The following DOK6 variants were observed in gnomAD, a reference collection of about 807,000 sequenced individuals.
DOK6 encodes downstream of tyrosine kinase 6.
A neutral mutation model predicts 44.0 loss-of-function variants in DOK6; 22 were observed. The observed-to-expected ratio is 0.50, with a 90% CI of 0.36 to 0.71. The LOEUF is 0.71. Among genes scored for constraint, DOK6 ranks in the 30% least tolerant of loss-of-function variants. DOK6 has a pLI of 0.00. For synonymous variants in DOK6, 166 were observed against 145.5 expected (o/e 1.14, Z -1.01); for missense variants, 340 against 416.4 (o/e 0.82, Z 1.60).
intron 7 of DOK6, among the ~76,000 whole-genome samples, chr18:69,809,334 C>T (rs1160320467): frequency 6.6e-6 from 1 of 151,432 alleles, no homozygotes. Context: ...ATGACAAACC[C>T]ACAGTTAACA....
At chr18:69,413,860 C>A (rs1022053613) in intron 1 of DOK6, among the ~76,000 whole-genome samples, 4 of 151,744 alleles carry the variant, frequency 2.6e-5, no homozygotes, top group African/African-American at 9.7e-5. Context: ...TGACAAAAAA[C>A]TAGTATAAGA....
intron 2 of DOK6, among the ~76,000 whole-genome samples, chr18:69,566,388 G>T (rs895880099): frequency 6.6e-6 from 1 of 151,816 alleles, no homozygotes; most frequent in Non-Finnish European, 1.5e-5. Context: ...CGCCCGCCTC[G>T]GCCTCCCAAA....
intron 1 of DOK6, among the ~76,000 whole-genome samples, chr18:69,433,357 A>G (rs942231388): frequency 1.3e-5 from 2 of 152,222 alleles, no homozygotes; most frequent in Non-Finnish European, 2.9e-5. Context: ...GAAAGACAAA[A>G]GCATAATAGT....
At chr18:69,601,095 C>T (rs1269074407) in intron 3 of DOK6, among the ~76,000 whole-genome samples, 1 of 152,122 alleles carries the variant, frequency 6.6e-6, no homozygotes, top group Admixed American at 6.5e-5. Flanking sequence ...AAGATTCTGC[C>T]TTTTCAAATT....
At chr18:69,498,923 A>C (rs1980973437) in intron 1 of DOK6, among the ~76,000 whole-genome samples, 1 of 152,184 alleles carries the variant, frequency 6.6e-6, no homozygotes, top group South Asian at 2.1e-4. Flanking sequence ...AAAAGAGAAA[A>C]TATTTAAATT....
At chr18:69,678,948 TG>T (rs1490536571) in intron 4 of DOK6, among the ~76,000 whole-genome samples, 5 of 152,056 alleles carry the variant, frequency 3.3e-5, no homozygotes, top group Admixed American at 2.0e-4. Flanking sequence ...GAGGCAGTGG[TG>T]GGTGGATTGC....
intron 3 of DOK6, among the ~76,000 whole-genome samples, chr18:69,650,707 T>G (rs945142840): frequency 5.3e-5 from 8 of 152,184 alleles, no homozygotes; most frequent in Non-Finnish European, 1.2e-4. Flanking sequence ...GTGCTTACCT[T>G]GAACAGTACT....
intron 1 of DOK6, among the ~76,000 whole-genome samples, chr18:69,553,738 T>C (rs151258927): frequency 6.6e-6 from 1 of 152,302 alleles, no homozygotes; most frequent in African/African-American, 2.4e-5. Context: ...CACTCCAGAC[T>C]CCAATTGAAA....
At chr18:69,472,903 T>A (rs555252302) in intron 1 of DOK6, among the ~76,000 whole-genome samples, 6 of 152,212 alleles carry the variant, frequency 3.9e-5, no homozygotes, top group Non-Finnish European at 8.8e-5. Flanking sequence ...CATATCATGT[T>A]GTTGTATGTT....
At position 69,517,987 on chromosome 18, in the gene DOK6, A is replaced by T. The variant is rs543121428; in HGVS notation, c.67-46500A>T. On this transcript the variant is annotated intron_variant, in intron 1 of 7. Transcript: ENST00000382713. ...AATTACATCTTTCTACATGAGCTGG[A>T]AAGGCATGGCTTTTAACTTCTCTTG... 4.6e-5 allele frequency among the ~76,000 whole-genome samples: 7 copies of T among 152,206 alleles called. No homozygotes were observed. The South Asian group carries it at 1.5e-3, about 32-fold the overall frequency.
chr18:69,654,700 T>A (rs1985317648), intron 3 of DOK6, among the ~76,000 whole-genome samples: 1 of 152,228 alleles, frequency 6.6e-6, no homozygotes, highest in South Asian at 2.1e-4. Flanking sequence ...TTGTTTAGAA[T>A]TGCTGACTGC....
intron 1 of DOK6, among the ~76,000 whole-genome samples, chr18:69,404,944 C>A (rs1916173908): frequency 6.6e-6 from 1 of 152,110 alleles, no homozygotes; most frequent in Non-Finnish European, 1.5e-5. Flanking sequence ...TAATAAAGAA[C>A]CCCTGCATCA....
intron 3 of DOK6, chr18:69,662,931 C>A (rs1292910220): frequency 6.6e-6 from 1 of 152,184 alleles, no homozygotes. Context: ...GCTCCAAAGC[C>A]AATTAAGTAA....
At chr18:69,757,489 C>T (rs1396066224) in intron 6 of DOK6, among the ~76,000 whole-genome samples, 2 of 152,178 alleles carry the variant, frequency 1.3e-5, no homozygotes, top group Non-Finnish European at 2.9e-5. Flanking sequence ...GAGTGTTTGC[C>T]AGCATTCCCC....
intron 1 of DOK6, among the ~76,000 whole-genome samples, chr18:69,542,056 G>A (rs934365181): frequency 6.6e-6 from 1 of 151,554 alleles, no homozygotes; most frequent in Non-Finnish European, 1.5e-5. Flanking sequence ...AGATGGTGTG[G>A]ATGGCCTTGT....
chr18:69,526,154 G>A (rs1981825215), intron 1 of DOK6, among the ~76,000 whole-genome samples: 3 of 151,768 alleles, frequency 2.0e-5, no homozygotes, highest in Admixed American at 2.0e-4. Context: ...TCACAGAATT[G>A]TGCACCCATC....
At chr18:69,482,788 TA>T (rs1294464060) in intron 1 of DOK6, among the ~76,000 whole-genome samples, 8 of 151,854 alleles carry the variant, frequency 5.3e-5, no homozygotes, top group East Asian at 3.8e-4. Context: ...AAGGATGAAA[TA>T]AAAAAAGTGA....
intron 1 of DOK6, among the ~76,000 whole-genome samples, chr18:69,431,786 G>A (rs549007524): frequency 3.9e-5 from 6 of 152,178 alleles, no homozygotes; most frequent in African/African-American, 1.4e-4. Context: ...AGAATTGTTG[G>A]GTCAAAGTTA....
chr18:69,413,982 T>A (rs901562815), intron 1 of DOK6, among the ~76,000 whole-genome samples: 1 of 151,872 alleles, frequency 6.6e-6, no homozygotes, highest in East Asian at 1.9e-4. Context: ...AATAACCACA[T>A]AAACAGGTGT....
Sources: gnomAD v4.1 joint callset for allele counts (sites outside exome capture counted in the v4.1 genomes callset) on GRCh38, gnomAD v4.1.1 for gene constraint, MANE v1.5 for transcripts, NCBI Gene and HGNC (gene_info 2026-07-23, HGNC 2026-07-21) for gene names.